Variants in TRPS1 observed in about 807,000 individuals in gnomAD.
TRPS1 encodes the protein zinc finger transcription factor Trps1.
TRPS1 carries 6 observed loss-of-function variants against 101.2 expected under a neutral mutation model. That is an observed-to-expected ratio of 0.06 (90% CI 0.03 to 0.12). The LOEUF is 0.12. TRPS1 is among the 10% of genes least tolerant of loss of function. TRPS1 has a pLI of 1.00. For synonymous variants in TRPS1, 578 were observed against 589.8 expected (o/e 0.98, Z 0.29); for missense variants, 1,363 against 1,567.0 (o/e 0.87, Z 2.20).
chr8:115,481,819 C>T (rs1290903686), intron 5 of TRPS1, among the ~76,000 whole-genome samples: 1 of 152,142 alleles, frequency 6.6e-6, no homozygotes, highest in Non-Finnish European at 1.5e-5. Flanking sequence ...AAACTTTTGG[C>T]TTCAGCCTTC....
At chr8:115,586,854 A>T in intron 5 of TRPS1, 147 bp downstream of exon 5, 1 of 1,374,694 alleles carries the variant, frequency 7.3e-7, no homozygotes, top group Non-Finnish European at 1.0e-6. Flanking sequence ...ACTTGCTGCC[A>T]CTTTGGCCTT....
intron 5 of TRPS1, among the ~76,000 whole-genome samples, chr8:115,455,655 A>C (rs975594750): frequency 6.6e-6 from 1 of 152,008 alleles, no homozygotes; most frequent in African/African-American, 2.4e-5. Flanking sequence ...ACTCAATAAT[A>C]TACCTAGTAA....
At chr8:115,535,262 T>TAGCATATATAG (rs1816270951) in intron 5 of TRPS1, among the ~76,000 whole-genome samples, 2 of 140,608 alleles carry the variant, frequency 1.4e-5, no homozygotes, top group African/African-American at 2.6e-5. Flanking sequence ...AGCATATATA[T>TAGCATATATAG]AGCATATATA....
intron 5 of TRPS1, among the ~76,000 whole-genome samples, chr8:115,536,488 A>C (rs1390910903): frequency 7.1e-6 from 1 of 141,812 alleles, no homozygotes; most frequent in African/African-American, 2.7e-5. Flanking sequence ...GCGCCACTGC[A>C]CTGCAGCCTG....
chr8:115,415,144 T>G, intron 6 of TRPS1, 60 bp from the exon 7 acceptor site: 1 of 1,503,094 alleles, frequency 6.7e-7, no homozygotes, highest in South Asian at 1.3e-5. Flanking sequence ...TAAAATGCAT[T>G]AAAAATTCCT....
In TRPS1 at chr8:115,668,962, T is replaced by A. The variant is rs1812006775; in HGVS notation, c.-539A>T. 6.6e-6 allele frequency: 1 copy of A among 152,118 alleles called. No individual in the cohort carries two copies. The highest frequency in any genetic ancestry group is 1.5e-5 in the Non-Finnish European group (1 of 67,892). The allele number at this position is 152,118 out of a possible 1,614,324, so 9.4% of individuals were successfully genotyped here. ...ATGTTATCGCTTGTCAGGACCTCAG[T>A]CTCCGCGCATTACGTCAGTTTCAAG... On this transcript the variant is annotated 5_prime_UTR_variant, in exon 1 of 7. Transcript: ENST00000395715.
intron 5 of TRPS1, among the ~76,000 whole-genome samples, chr8:115,557,030 AT>A (rs1816837020): frequency 6.6e-6 from 1 of 152,138 alleles, no homozygotes. Flanking sequence ...AGGCCTCACA[AT>A]CAAGGTGGAA....
intron 4 of TRPS1, among the ~76,000 whole-genome samples, chr8:115,593,511 A>G (rs1447309209): frequency 6.6e-6 from 1 of 152,190 alleles, no homozygotes; most frequent in Non-Finnish European, 1.5e-5. Context: ...AAAAGATTTG[A>G]GCATATTTTC....
intron 5 of TRPS1, among the ~76,000 whole-genome samples, chr8:115,542,803 A>G (rs1816484760): frequency 2.0e-5 from 3 of 152,198 alleles, no homozygotes; most frequent in Admixed American, 2.0e-4. Flanking sequence ...GGTTATATAA[A>G]TGCTAACTAT....
intron 4 of TRPS1, among the ~76,000 whole-genome samples, chr8:115,603,243 T>A (rs2721930): frequency 1 from 152,308 of 152,310 alleles, 76,153 homozygotes; most frequent in Middle Eastern, 1. Context: ...AAACACAAAC[T>A]TCCCACATCC....
At chr8:115,469,972 C>T (rs1196035970) in intron 5 of TRPS1, among the ~76,000 whole-genome samples, 2 of 152,140 alleles carry the variant, frequency 1.3e-5, no homozygotes, top group African/African-American at 4.8e-5. Context: ...TGAATATTTC[C>T]ATGTCCAGCC....
chr8:115,623,771 G>GC lies in TRPS1; in HGVS notation c.-121-14dup. 6.9e-7 allele frequency: 1 copy of GC among 1,441,168 alleles called. No homozygotes were observed. The highest frequency in any genetic ancestry group is 9.1e-7 in the Non-Finnish European group (1 of 1,098,526). The allele number at this position is 1,441,168 out of a possible 1,614,324, so 89.3% of individuals were successfully genotyped here. On this transcript the variant is annotated splice_polypyrimidine_tract_variant and intron_variant, in intron 1 of 6. Transcript: ENST00000395715. Reference sequence around the variant, plus strand: ...CTGATCTGTACATCTGCAAAACAAAGCAAAAGAAAAATTTTCCTTCCTAAA... The same window carrying GC: ...CTGATCTGTACATCTGCAAAACAAAGCCAAAAGAAAAATTTTCCTTCCTAAA...
intron 5 of TRPS1, among the ~76,000 whole-genome samples, chr8:115,555,052 G>A (rs74376682): frequency 0.029 from 4,470 of 152,250 alleles, 207 homozygotes; most frequent in African/African-American, 0.1. Context: ...TCTTCCCAAA[G>A]TATCTGTGGG....
chr8:115,492,204 G>A (rs1369038402), intron 5 of TRPS1: 2 of 456,162 alleles, frequency 4.4e-6, no homozygotes, highest in Non-Finnish European at 8.8e-6. Context: ...CAGAATCAGA[G>A]GGGTGACAGT....
In TRPS1 at chr8:115,409,301, A is replaced by G. The variant is rs1812733980; in HGVS notation, c.*4722T>C. 7.1e-6 allele frequency: 1 copy of G among 141,552 alleles called. No homozygotes were observed. Among genetic ancestry groups the G allele is most frequent in the Non-Finnish European group, 1.5e-5 (1 of 65,198 alleles). 8.8% of individuals were successfully genotyped at this position (141,552 alleles called of 1,614,324 possible). A position where few individuals can be genotyped will look rare whatever the true frequency, so the allele number is the denominator to read the frequency against. ...AAAAAACAGGGGAAAACCAGAATTG[A>G]GTTTTGGGACTCTATGCTCTAGAAG... is the stretch of plus-strand genomic sequence containing the variant. On this transcript the variant is annotated 3_prime_UTR_variant, in exon 7 of 7. Coordinates refer to ENST00000395715, the MANE Select transcript of TRPS1 (RefSeq NM_014112.5).
chr8:115,659,839 T>G (rs992243993), intron 1 of TRPS1, among the ~76,000 whole-genome samples: 1 of 151,944 alleles, frequency 6.6e-6, no homozygotes, highest in Non-Finnish European at 1.5e-5. Context: ...AACCCTCAAA[T>G]AGGTGTTGGG....
intron 1 of TRPS1, among the ~76,000 whole-genome samples, chr8:115,650,980 C>A (rs1420594290): frequency 6.6e-6 from 1 of 152,158 alleles, no homozygotes; most frequent in Non-Finnish European, 1.5e-5. Flanking sequence ...CATCCTGAAG[C>A]CAAGACATAA....
intron 1 of TRPS1, among the ~76,000 whole-genome samples, chr8:115,630,781 C>T (rs144121732): frequency 1.2e-3 from 175 of 152,132 alleles, no homozygotes; most frequent in African/African-American, 4.0e-3. Flanking sequence ...GAAGTTAAAT[C>T]GCTTGTCTAG....
intron 5 of TRPS1, among the ~76,000 whole-genome samples, chr8:115,524,640 T>A (rs1763096857): frequency 6.6e-6 from 1 of 152,074 alleles, no homozygotes; most frequent in South Asian, 2.1e-4. Context: ...TTTCTAAGAG[T>A]AATATCAGAA....
Sources: gnomAD v4.1 joint callset for allele counts (sites outside exome capture counted in the v4.1 genomes callset) on GRCh38, gnomAD v4.1.1 for gene constraint, MANE v1.5 for transcripts, NCBI Gene and HGNC (gene_info 2026-07-23, HGNC 2026-07-21) for gene names.